ATP6V0C: variants seen among roughly 807,000 people sequenced by gnomAD.
The protein encoded by ATP6V0C is V-type proton ATPase 16 kDa proteolipid subunit c.
A neutral mutation model predicts 10.6 loss-of-function variants in ATP6V0C; 2 were observed. That is an observed-to-expected ratio of 0.19 (90% CI 0.08 to 0.59). The LOEUF is 0.59. Ranked by LOEUF, ATP6V0C falls within the 20% of genes least tolerant of loss-of-function variation. The probability of loss-of-function intolerance (pLI) is 0.90; values close to 1 mark genes in which losing one functional copy is unlikely to be tolerated. For missense variants in ATP6V0C, 89 were observed against 225.9 expected (o/e 0.39, Z 3.88); for synonymous variants, 128 against 101.3 (o/e 1.26, Z -1.59).
At chr16:2,515,502 T>G (rs768479443) in intron 1 of ATP6V0C, among the ~76,000 whole-genome samples, 9 of 152,130 alleles carry the variant, frequency 5.9e-5, no homozygotes, top group African/African-American at 9.7e-5. Flanking sequence ...TGTCTGCCAT[T>G]CGTGAGTGAG....
chr16:2,514,665 C>A (rs999623836), intron 1 of ATP6V0C, among the ~76,000 whole-genome samples: 1 of 152,144 alleles, frequency 6.6e-6, no homozygotes, highest in Non-Finnish European at 1.5e-5. Flanking sequence ...GAGCCCATGT[C>A]CCCCACGGGA....
rs2065863003 is a variant in ATP6V0C at position 2,513,963 on chromosome 16, CT to C, written c.-140del. On this transcript the variant is annotated 5_prime_UTR_variant, in exon 1 of 3. Transcript: ENST00000330398. ...GCGGCCGCCATTTTGTTCTGCGGTGCTGGTATTTAGAGCGCAGCGGCTGACG... is the reference window on the plus strand; with the variant it reads ...GCGGCCGCCATTTTGTTCTGCGGTGCGGTATTTAGAGCGCAGCGGCTGACG... 1.4e-6 allele frequency: 1 copy of C among 700,238 alleles called. No homozygotes were observed. The highest frequency in any genetic ancestry group is 1.9e-5 in the African/African-American group (1 of 51,856). 43.4% of individuals were successfully genotyped at this position (700,238 alleles called of 1,614,324 possible).
Position 2,514,028 on chromosome 16 carries a change from CG to C in ATP6V0C, c.-75del. 7.2e-7 allele frequency: 1 copy of C among 1,382,802 alleles called. No homozygotes were observed. The highest frequency in any genetic ancestry group is 9.8e-7 in the Non-Finnish European group (1 of 1,015,318). 85.7% of individuals were successfully genotyped at this position (1,382,802 alleles called of 1,614,324 possible). ...TCGCCGCCGCCCGCCCGCAAACCTT[CG>C]TGCCCGGCCCGTCCTCGCCCCCGCC... On this transcript the variant is annotated 5_prime_UTR_variant, in exon 1 of 3. Transcript: ENST00000330398.
chr16:2,518,195 G>T (rs901866545), intron 1 of ATP6V0C, among the ~76,000 whole-genome samples: 1 of 152,246 alleles, frequency 6.6e-6, no homozygotes, highest in African/African-American at 2.4e-5. Context: ...GGCCCTGGAG[G>T]GCAGCTGGCA....
chr16:2,515,370 G>A (rs1409956829), intron 1 of ATP6V0C, among the ~76,000 whole-genome samples: 2 of 152,202 alleles, frequency 1.3e-5, no homozygotes, highest in African/African-American at 4.8e-5. Context: ...GTGGCCTGGG[G>A]AGGCTCCTAG....
Position 2,519,913 on chromosome 16 carries a change from C to G in ATP6V0C, c.*168C>G. 2 of 985,122 alleles carry G rather than the reference C, an allele frequency of 2.0e-6. No homozygotes were observed. Among genetic ancestry groups the G allele is most frequent in the Non-Finnish European group, 3.1e-6 (2 of 648,162 alleles). The allele number at this position is 985,122 out of a possible 1,614,324, so 61.0% of individuals were successfully genotyped here. The stretch of plus-strand genomic sequence containing the variant: ...TCTGTTTCCCCGGCCTTGCCCCCGC[C>G]CGCCCCGTGCCGTGGACATCTGGGC... On this transcript the variant is annotated 3_prime_UTR_variant, in exon 3 of 3. Coordinates refer to ENST00000330398, the MANE Select transcript of ATP6V0C (RefSeq NM_001694.4).
chr16:2,513,728 A>T (rs2065861697), upstream of ATP6V0C: 1 of 160,276 alleles, frequency 6.2e-6, no homozygotes, highest in Non-Finnish European at 1.4e-5. Flanking sequence ...AGACCGGTCC[A>T]ACGCTGCGGA....
In ATP6V0C at chr16:2,514,117, A is replaced by G; in HGVS notation, c.14A>G (p.Lys5Arg). Residue 5 changes from lysine (K) to arginine (R), a missense_variant, in exon 1 of 3, where the codon AAG (lysine) becomes AGG (arginine). By Grantham distance (26) the Lys-to-Arg change is conservative. This residue lies in a region of ATP6V0C where 26 missense variants were observed against 33.7 expected (regional missense o/e 0.77). Coordinates refer to ENST00000330398, the MANE Select transcript of ATP6V0C (RefSeq NM_001694.4). MSES[K>R]SGPEYASFFA... is the part of the protein sequence containing the mutation. ...CCACCCGCAGACATGTCCGAGTCCA[A>G]GAGCGGCCCCGAGTATGCTTCGTTT... is the stretch of plus-strand genomic sequence containing the variant. 2 of 1,584,990 alleles carry G rather than the reference A, an allele frequency of 1.3e-6. No homozygotes were observed. Among genetic ancestry groups the G allele is most frequent in the Non-Finnish European group, 1.7e-6 (2 of 1,166,844 alleles).
chr16:2,514,239 G>A lies in ATP6V0C; in HGVS notation c.79+57G>A, dbSNP rs1163496733. 6.1e-6 allele frequency: 9 copies of A among 1,476,858 alleles called. No homozygotes were observed. In the African/African-American group the frequency reaches 8.8e-5, roughly 14 times the overall value. 91.5% of individuals were successfully genotyped at this position (1,476,858 alleles called of 1,614,324 possible). A position where few individuals can be genotyped will look rare whatever the true frequency, so the allele number is the denominator to read the frequency against. ...GGGGGCGCGCGCGTTGCTCATGCCCGCAGCTCGCCGGGGTCCGGTGTGTGA... is the reference window on the plus strand; with the variant it reads ...GGGGGCGCGCGCGTTGCTCATGCCCACAGCTCGCCGGGGTCCGGTGTGTGA... On this transcript the variant is annotated intron_variant, in intron 1 of 2. Transcript: ENST00000330398.
rs2141888824 is a variant in ATP6V0C, at chr16:2,514,371, C to T, written c.79+189C>T. The T allele has an allele frequency of 6.8e-6, 3 of 442,988 alleles. No homozygotes were observed. The East Asian group carries it at 1.3e-4, about 20-fold the overall frequency. 27.4% of individuals were successfully genotyped at this position (442,988 alleles called of 1,614,324 possible). A position where few individuals can be genotyped will look rare whatever the true frequency, so the allele number is the denominator to read the frequency against. On this transcript the variant is annotated intron_variant, in intron 1 of 2. Transcript: ENST00000330398. ...GCGGGGAGCCGCCGGGGGTCCGGGG[C>T]GCAGGGCGTGCGGGCCTGGCCGGGG...
Position 2,520,160 on chromosome 16 carries a change from C to T in ATP6V0C, c.*415C>T, listed in dbSNP as rs1023388921. 14 of 531,592 alleles carry T rather than the reference C, an allele frequency of 2.6e-5. No individual in the cohort carries two copies. The highest frequency in any genetic ancestry group is 4.9e-5 in the Non-Finnish European group (14 of 286,150). The allele number at this position is 531,592 out of a possible 1,614,324, so 32.9% of individuals were successfully genotyped here. On this transcript the variant is annotated 3_prime_UTR_variant, in exon 3 of 3. Coordinates refer to ENST00000330398, the MANE Select transcript of ATP6V0C (RefSeq NM_001694.4). ...CTGAGACTTCCTGGATGGAGCCGCC[C>T]TCACCGCCGGGCCCGTGGCCCTGCG...
intron 1 of ATP6V0C, among the ~76,000 whole-genome samples, chr16:2,515,159 C>T (rs1363417283): frequency 6.6e-6 from 1 of 152,250 alleles, no homozygotes; most frequent in East Asian, 1.9e-4. Flanking sequence ...TTGACAGGTC[C>T]TGGGCGTCCA....
At chr16:2,515,547 A>G (rs2065873119) in intron 1 of ATP6V0C, among the ~76,000 whole-genome samples, 1 of 152,054 alleles carries the variant, frequency 6.6e-6, no homozygotes, top group Non-Finnish European at 1.5e-5. Flanking sequence ...GTAAGGGGTC[A>G]TTTGTGGTGG....
In ATP6V0C at chr16:2,514,178, C is replaced by T. The variant is rs540042144; in HGVS notation, c.75C>T (p.Phe25=). The T allele has an allele frequency of 3.8e-6, 6 of 1,565,638 alleles. No individual in the cohort carries two copies. In the African/African-American group the frequency reaches 4.2e-5, roughly 11 times the overall value. ...AVMGASAAMV[F]SALGAAYGTA... ...TGGGCGCCTCGGCCGCCATGGTCTT[C>T]AGCGGTGAGCGCGGCGGCGGGAGGG... The change falls in exon 1 of 3, where the codon TTC becomes TTT. Residue 25 remains phenylalanine, a synonymous_variant. Transcript: ENST00000330398.
intron 1 of ATP6V0C, chr16:2,516,880 G>C (rs1780076496): frequency 6.6e-6 from 1 of 152,342 alleles, no homozygotes; most frequent in Admixed American, 6.5e-5. Context: ...CCGGACTGGA[G>C]TCCAGGGTGC....
Position 2,514,201 on chromosome 16 carries a change from G to C in ATP6V0C, c.79+19G>C, listed in dbSNP as rs988025306. ...TTCAGCGGTGAGCGCGGCGGCGGGA[G>C]GGACTCGGGGGCGGGGGCGCGCGCG... is the stretch of plus-strand genomic sequence containing the variant. On this transcript the variant is annotated intron_variant, in intron 1 of 2. Transcript: ENST00000330398. 2 of 1,535,084 alleles carry C rather than the reference G, an allele frequency of 1.3e-6. No individual in the cohort carries two copies. The highest frequency in any genetic ancestry group is 1.8e-6 in the Non-Finnish European group (2 of 1,140,348).
intron 1 of ATP6V0C, chr16:2,518,918 C>T: frequency 5.2e-6 from 2 of 387,132 alleles, no homozygotes; most frequent in Non-Finnish European, 9.4e-6. Flanking sequence ...GGGTTCACTG[C>T]AGAGCCAGGA....
chr16:2,519,771 GAAT>G lies in ATP6V0C; in HGVS notation c.*28_*30del, dbSNP rs759851796. 1.0e-5 allele frequency: 16 copies of G among 1,583,174 alleles called. No individual in the cohort carries two copies. Among genetic ancestry groups the G allele is most frequent in the Non-Finnish European group, 1.3e-5 (15 of 1,158,182 alleles). ...ACCCTCTCCGAGCCCACCAGCCACAGAATATTATGTAAAGACCACCCCTCCTCA... is the reference window on the plus strand; with the variant it reads ...ACCCTCTCCGAGCCCACCAGCCACAGATTATGTAAAGACCACCCCTCCTCA... On this transcript the variant is annotated 3_prime_UTR_variant, in exon 3 of 3. Coordinates refer to ENST00000330398, the MANE Select transcript of ATP6V0C (RefSeq NM_001694.4).
chr16:2,513,993 C>T lies in ATP6V0C; in HGVS notation c.-111C>T, dbSNP rs1465839399. ...ATTTAGAGCGCAGCGGCTGACGGGC[C>T]GGATCGCCTTCGCCGCCGCCCGCCC... On this transcript the variant is annotated 5_prime_UTR_variant, in exon 1 of 3. Coordinates refer to ENST00000330398, the MANE Select transcript of ATP6V0C (RefSeq NM_001694.4). 7 of 957,962 alleles carry T rather than the reference C, an allele frequency of 7.3e-6. No homozygotes were observed. The highest frequency in any genetic ancestry group is 3.5e-5 in the African/African-American group (2 of 57,114). The allele number at this position is 957,962 out of a possible 1,614,324, so 59.3% of individuals were successfully genotyped here. A position where few individuals can be genotyped will look rare whatever the true frequency, so the allele number is the denominator to read the frequency against.
Sources: allele counts gnomAD v4.1 joint callset (sites outside exome capture counted in the v4.1 genomes callset), GRCh38; gene constraint gnomAD v4.1.1; regional missense constraint gnomAD v4.1.1; transcripts MANE v1.5; gene names NCBI Gene and HGNC (gene_info 2026-07-23, HGNC 2026-07-21).